The following HKDC1 variants were observed in gnomAD, a reference collection of about 807,000 sequenced individuals.
HKDC1 encodes hexokinase domain containing 1.
HKDC1 carries 66 observed loss-of-function variants against 96.6 expected under a neutral mutation model. The ratio of observed to expected loss-of-function variants is 0.68; its 90% CI spans 0.56 to 0.84. The LOEUF (loss-of-function observed/expected upper bound fraction) is 0.84. HKDC1 is among the 40% of genes least tolerant of loss of function. The pLI is 0.00. For missense variants in HKDC1, 1,211 were observed against 1,208.1 expected, an observed-to-expected ratio of 1.00 and a Z score of -0.04; for synonymous variants, 466 against 473.1, an observed-to-expected ratio of 0.98 and a Z score of 0.20.
At chr10:69,245,945 T>C (rs1843534091) in intron 7 of HKDC1, 134 bp from the exon 8 acceptor site, 2 of 1,106,496 alleles carry the variant, frequency 1.8e-6, no homozygotes, top group African/African-American at 3.1e-5. Flanking sequence ...ATCCAGCACT[T>C]TGCGAGAAGG....
chr10:69,241,354 C>G (rs7918272), intron 6 of HKDC1, among the ~76,000 whole-genome samples: 63,528 of 151,962 alleles, frequency 0.42, 13,766 homozygotes, highest in Non-Finnish European at 0.49. Flanking sequence ...AAGTGAGAGG[C>G]AGAGGACAGA....
intron 16 of HKDC1, among the ~76,000 whole-genome samples, chr10:69,264,385 T>TG (rs1317714696): frequency 1.3e-5 from 2 of 152,034 alleles, no homozygotes; most frequent in Non-Finnish European, 2.9e-5. Context: ...ATCTTTTTTT[T>TG]TTTTTTGAGA....
chr10:69,260,047 G>A (rs1352168546), intron 15 of HKDC1, among the ~76,000 whole-genome samples: 2 of 152,184 alleles, frequency 1.3e-5, no homozygotes, highest in Admixed American at 6.5e-5. Context: ...AGGTTTTGCA[G>A]GCCATATGGT....
intron 6 of HKDC1, among the ~76,000 whole-genome samples, chr10:69,241,555 C>T (rs897133355): frequency 6.6e-6 from 1 of 152,144 alleles, no homozygotes; most frequent in African/African-American, 2.4e-5. Context: ...ACAGTCTTGG[C>T]TTACTGCAAC....
rs367936051 is a variant in HKDC1 at position 69,247,253 on chromosome 10, C to T, written c.1032-107C>T. 2.2e-3 allele frequency: 1,608 copies of T among 729,156 alleles called. 22 individuals carry two copies. Among genetic ancestry groups the T allele is most frequent in the South Asian group, 0.022 (1,303 of 59,560 alleles). 45.2% of individuals were successfully genotyped at this position (729,156 alleles called of 1,614,324 possible). ...TGTTATTTTTATTCTATACCATGGACCTGCCTATTAATTTTCACAATCCTG... is the reference window on the plus strand; with the variant it reads ...TGTTATTTTTATTCTATACCATGGATCTGCCTATTAATTTTCACAATCCTG... On this transcript the variant is annotated intron_variant, in intron 8 of 17. Transcript: ENST00000354624.
At position 69,227,350 on chromosome 10, in the gene HKDC1, G is replaced by T; in HGVS notation, c.207G>T (p.Arg69Ser). ...TGAAGATGTTGCCCACCTTCGTCAGGGCCATTCCCGATGGTTCCGGTGAGT... is the reference window on the plus strand; with the variant it reads ...TGAAGATGTTGCCCACCTTCGTCAGTGCCATTCCCGATGGTTCCGGTGAGT... ...AAVKMLPTFV[R>S]AIPDGSENGE... Residue 69 changes from arginine to serine, a missense_variant, in exon 2 of 18, where the codon AGG becomes AGT. Physicochemically the swap from Arg to Ser is moderately radical, Grantham distance 110 (BLOSUM62 -1). Coordinates refer to ENST00000354624, the MANE Select transcript of HKDC1 (RefSeq NM_025130.4). 6.2e-7 allele frequency: 1 copy of T among 1,614,132 alleles called. No individual in the cohort carries two copies. The highest frequency in any genetic ancestry group is 1.1e-5 in the South Asian group (1 of 91,076).
At chr10:69,231,103 G>T (rs938536249) in intron 2 of HKDC1, among the ~76,000 whole-genome samples, 1 of 152,314 alleles carries the variant, frequency 6.6e-6, no homozygotes. Context: ...GTGTTTGATA[G>T]TGATTGCGAT....
At chr10:69,265,156 A>G (rs1169310498) in intron 16 of HKDC1, among the ~76,000 whole-genome samples, 1 of 152,188 alleles carries the variant, frequency 6.6e-6, no homozygotes, top group Non-Finnish European at 1.5e-5. Context: ...AGGGGGCCAG[A>G]GTGTGGGAGC....
chr10:69,262,830 C>A (rs144112619), intron 16 of HKDC1, among the ~76,000 whole-genome samples: 1 of 152,142 alleles, frequency 6.6e-6, no homozygotes, highest in Non-Finnish European at 1.5e-5. Flanking sequence ...AAAATCATCA[C>A]GCTTGGTGAC....
chr10:69,257,689 G>GT (rs1451547860), intron 14 of HKDC1, among the ~76,000 whole-genome samples: 3 of 152,054 alleles, frequency 2.0e-5, no homozygotes, highest in African/African-American at 7.2e-5. Context: ...TTGTCATGGG[G>GT]GGGGGAAGGA....
chr10:69,232,229 A>G (rs1367494979), intron 2 of HKDC1: 2 of 147,024 alleles, frequency 1.4e-5, no homozygotes. Context: ...GCCTAAAAAA[A>G]TCAGCATCCT....
chr10:69,251,692 T>C (rs1408292926), intron 12 of HKDC1, among the ~76,000 whole-genome samples: 1 of 152,168 alleles, frequency 6.6e-6, no homozygotes, highest in Admixed American at 6.5e-5. Context: ...AGTAAAAGTC[T>C]ATACTTCTCT....
intron 4 of HKDC1, among the ~76,000 whole-genome samples, chr10:69,237,990 T>C (rs1843389746): frequency 6.6e-6 from 1 of 152,248 alleles, no homozygotes; most frequent in African/African-American, 2.4e-5. Flanking sequence ...GATTCTCTTT[T>C]AACTTCCAAG....
Position 69,265,644 on chromosome 10 carries a change from C to T in HKDC1, c.2432C>T (p.Thr811Met), listed in dbSNP as rs556646884. The change falls in exon 17 of 18, where the codon ACG becomes ATG. Residue 811 changes from threonine to methionine, a missense_variant. Thr to Met is a moderately conservative substitution (Grantham distance 81, BLOSUM62 -1). Coordinates refer to ENST00000354624, the MANE Select transcript of HKDC1 (RefSeq NM_025130.4). ...CTGCAGCAGCTGGGCCTGGACAGCA[C>T]GTGTGAGGACAGCATCGTGGTGAAG... The part of the protein sequence containing the change: ...RILQQLGLDS[T>M]CEDSIVVKEV... 67 of 1,613,992 alleles carry T rather than the reference C, an allele frequency of 4.2e-5. 1 individual carries two copies. The highest frequency in any genetic ancestry group is 3.1e-4 in the South Asian group (28 of 91,068).
chr10:69,252,603 C>T (rs1843660063), intron 12 of HKDC1, among the ~76,000 whole-genome samples: 1 of 150,456 alleles, frequency 6.6e-6, no homozygotes, highest in African/African-American at 2.4e-5. Context: ...TGAGATCGTG[C>T]CACTGCACTC....
intron 1 of HKDC1, among the ~76,000 whole-genome samples, chr10:69,223,990 C>G (rs1014748811): frequency 2.9e-4 from 44 of 151,426 alleles, no homozygotes; most frequent in Non-Finnish European, 4.6e-4. Context: ...GGGATGATCA[C>G]TTGCCTCCAG....
At chr10:69,262,828 C>T in intron 16 of HKDC1, among the ~76,000 whole-genome samples, 1 of 152,148 alleles carries the variant, frequency 6.6e-6, no homozygotes, top group Non-Finnish European at 1.5e-5. Context: ...TAAAAATCAT[C>T]ACGCTTGGTG....
At chr10:69,234,988 C>T (rs982078905) in intron 4 of HKDC1, among the ~76,000 whole-genome samples, 1 of 152,158 alleles carries the variant, frequency 6.6e-6, no homozygotes, top group African/African-American at 2.4e-5. Context: ...AGGGGCCTGG[C>T]GTGGTGGCTT....
chr10:69,252,568 C>T (rs1843659381), intron 12 of HKDC1, among the ~76,000 whole-genome samples: 1 of 151,410 alleles, frequency 6.6e-6, no homozygotes. Context: ...TGGCGTGAAC[C>T]CAGGAGGCGG....
Sources: gnomAD v4.1 joint callset for allele counts (sites outside exome capture counted in the v4.1 genomes callset) on GRCh38, gnomAD v4.1.1 for gene constraint, MANE v1.5 for transcripts, NCBI Gene and HGNC (gene_info 2026-07-23, HGNC 2026-07-21) for gene names.